The following DENND1A variants were observed in gnomAD, a reference collection of about 807,000 sequenced individuals.
DENND1A encodes DENN domain containing 1A, also known as DENN domain-containing protein 1A.
A neutral mutation model predicts 113.7 loss-of-function variants in DENND1A; 51 were observed. The observed-to-expected ratio is 0.45, with a 90% confidence interval of 0.36 to 0.57. The LOEUF is 0.57. Ranked by LOEUF, DENND1A falls within the 20% of genes least tolerant of loss-of-function variation. The probability of loss-of-function intolerance (pLI) is 0.00; values close to 1 mark genes in which losing one functional copy is unlikely to be tolerated. For synonymous variants in DENND1A, 565 were observed against 570.8 expected (o/e 0.99, Z 0.14); for missense variants, 1,258 against 1,395.9 (o/e 0.90, Z 1.57).
intron 2 of DENND1A, among the ~76,000 whole-genome samples, chr9:123,839,802 A>G (rs1345719043): frequency 1.3e-5 from 2 of 152,196 alleles, no homozygotes; most frequent in East Asian, 1.9e-4. Context: ...TGTTTTTTTC[A>G]TAACTGGGAG....
intron 2 of DENND1A, among the ~76,000 whole-genome samples, chr9:123,870,474 G>T (rs1846403950): frequency 7.4e-6 from 1 of 135,550 alleles, no homozygotes; most frequent in Non-Finnish European, 1.6e-5. Context: ...GTCTTGCTTT[G>T]TTGCCAGGCT....
At chr9:123,796,855 C>G (rs956093838) in intron 2 of DENND1A, among the ~76,000 whole-genome samples, 15 of 151,886 alleles carry the variant, frequency 9.9e-5, no homozygotes, top group African/African-American at 3.6e-4. Flanking sequence ...AGAGTCAAGG[C>G]ATGACATATT....
chr9:123,789,943 G>C (rs1259275722), intron 3 of DENND1A, among the ~76,000 whole-genome samples: 2 of 151,868 alleles, frequency 1.3e-5, no homozygotes, highest in East Asian at 1.9e-4. Context: ...AACAAGCACT[G>C]GTAGTTTAGG....
intron 5 of DENND1A, among the ~76,000 whole-genome samples, chr9:123,756,869 C>G (rs557677754): frequency 6.6e-6 from 1 of 152,160 alleles, no homozygotes; most frequent in African/African-American, 2.4e-5. Context: ...CAGGCCCAAC[C>G]CAAGCCTGGG....
chr9:123,886,843 G>A (rs1344309814), intron 1 of DENND1A, among the ~76,000 whole-genome samples: 1 of 152,128 alleles, frequency 6.6e-6, no homozygotes, highest in East Asian at 1.9e-4. Context: ...CAAACAAGTC[G>A]TTTCAAGACT....
intron 18 of DENND1A, among the ~76,000 whole-genome samples, chr9:123,440,887 T>C (rs1322599521): frequency 6.6e-6 from 1 of 152,230 alleles, no homozygotes; most frequent in Non-Finnish European, 1.5e-5. Context: ...CATTTTCATG[T>C]TGTTACAAAG....
At chr9:123,433,800 G>A (rs879454961) in intron 19 of DENND1A, among the ~76,000 whole-genome samples, 1 of 152,148 alleles carries the variant, frequency 6.6e-6, no homozygotes, top group African/African-American at 2.4e-5. Context: ...TGTGACTCAA[G>A]GGATGATGGG....
At chr9:123,584,443 G>T (rs1306895132) in intron 11 of DENND1A, among the ~76,000 whole-genome samples, 1 of 152,206 alleles carries the variant, frequency 6.6e-6, no homozygotes, top group Non-Finnish European at 1.5e-5. Flanking sequence ...AGTGGCACCA[G>T]TCGGGGAATG....
intron 2 of DENND1A, among the ~76,000 whole-genome samples, chr9:123,819,458 C>A (rs1041596229): frequency 2.0e-5 from 3 of 152,160 alleles, no homozygotes; most frequent in Non-Finnish European, 4.4e-5. Flanking sequence ...GGGGTGGGTA[C>A]ACAGGTATTA....
chr9:123,772,244 T>G (rs1301847189), intron 3 of DENND1A, among the ~76,000 whole-genome samples: 2 of 152,190 alleles, frequency 1.3e-5, no homozygotes, highest in Non-Finnish European at 2.9e-5. Context: ...CTTATCATCT[T>G]TTCCCAAAGA....
At chr9:123,626,679 T>C (rs1424764981) in intron 10 of DENND1A, among the ~76,000 whole-genome samples, 2 of 152,086 alleles carry the variant, frequency 1.3e-5, no homozygotes, top group Non-Finnish European at 2.9e-5. Flanking sequence ...GGTCCTTTCC[T>C]TGGAGATATA....
chr9:123,905,140 T>C (rs1408772319), intron 1 of DENND1A, among the ~76,000 whole-genome samples: 2 of 151,658 alleles, frequency 1.3e-5, no homozygotes, highest in African/African-American at 4.9e-5. Context: ...TAAAATACTT[T>C]ACAGACAAGC....
intron 18 of DENND1A, among the ~76,000 whole-genome samples, chr9:123,449,440 C>A (rs537097609): frequency 6.6e-6 from 1 of 150,692 alleles, no homozygotes; most frequent in Admixed American, 6.6e-5. Flanking sequence ...GAGGCTGAGG[C>A]AGGAGAATCA....
At position 123,607,516 on chromosome 9, in the gene DENND1A, CACACAGAG is replaced by C. The variant is rs752483184; in HGVS notation, c.765+1912_765+1919del. ...ACACACACACACACACACACACACA[CACACAGAG>C]AGAGAGAGAGAGAGAGAGAGAGAGT... On this transcript the variant is annotated intron_variant, in intron 11 of 23. Transcript: ENST00000394215. Among the ~76,000 whole-genome samples, 508 of 80,262 alleles carry C rather than the reference CACACAGAG, an allele frequency of 6.3e-3. 5 individuals carry two copies. Among genetic ancestry groups the C allele is most frequent in the African/African-American group, 0.027 (456 of 17,122 alleles). 52.7% of individuals were successfully genotyped at this position (80,262 alleles called of 152,430 possible).
intron 9 of DENND1A, among the ~76,000 whole-genome samples, chr9:123,651,401 C>T (rs1489060716): frequency 4.0e-5 from 6 of 151,446 alleles, no homozygotes; most frequent in East Asian, 1.9e-4. Context: ...TACACACGTG[C>T]GCACATGCGC....
At chr9:123,505,761 A>T (rs780481260) in intron 13 of DENND1A, among the ~76,000 whole-genome samples, 3 of 152,192 alleles carry the variant, frequency 2.0e-5, no homozygotes, top group Non-Finnish European at 2.9e-5. Flanking sequence ...ATGATTTTTC[A>T]TATGTTAAAT....
intron 2 of DENND1A, among the ~76,000 whole-genome samples, chr9:123,847,338 T>C (rs1344098693): frequency 6.7e-6 from 1 of 149,408 alleles, no homozygotes; most frequent in Non-Finnish European, 1.5e-5. Context: ...AAAAAAGAAG[T>C]TCTAAGTCCT....
chr9:123,512,316 G>A (rs1400826294), intron 13 of DENND1A, among the ~76,000 whole-genome samples: 2 of 152,234 alleles, frequency 1.3e-5, no homozygotes, highest in African/African-American at 2.4e-5. Flanking sequence ...CAGGCCCCAT[G>A]AGGACCTCGC....
intron 5 of DENND1A, among the ~76,000 whole-genome samples, chr9:123,677,168 C>T (rs78029782): frequency 1.3e-5 from 2 of 150,760 alleles, no homozygotes; most frequent in Non-Finnish European, 2.9e-5. Context: ...GACACAGACA[C>T]AGACACACAC....
Sources: gnomAD v4.1 joint callset for allele counts (sites outside exome capture counted in the v4.1 genomes callset) on GRCh38, gnomAD v4.1.1 for gene constraint, MANE v1.5 for transcripts, NCBI Gene and HGNC (gene_info 2026-07-23, HGNC 2026-07-21) for gene names.